MCTP2: variants seen among roughly 807,000 people sequenced by gnomAD.
MCTP2 encodes multiple C2 and transmembrane domain-containing protein 2.
Under a neutral mutation model 111.6 loss-of-function variants are expected in MCTP2, and 132 were observed. The ratio of observed to expected loss-of-function variants is 1.18; its 90% CI spans 1.03 to 1.37. The LOEUF (loss-of-function observed/expected upper bound fraction) is 1.37, where lower values mean the gene tolerates loss of function less well. Among genes scored for constraint, MCTP2 ranks in the 40% most tolerant of loss-of-function variants. The probability of loss-of-function intolerance (pLI) is 0.00; values close to 1 mark genes in which losing one functional copy is unlikely to be tolerated. For synonymous variants in MCTP2, 395 were observed against 387.7 expected, an observed-to-expected ratio of 1.02 and a Z score of -0.22; for missense variants, 1,183 against 1,067.9, an observed-to-expected ratio of 1.11 and a Z score of -1.50.
intron 12 of MCTP2, among the ~76,000 whole-genome samples, chr15:94,382,591 C>A (rs1474072728): frequency 6.6e-6 from 1 of 152,246 alleles, no homozygotes; most frequent in Admixed American, 6.5e-5. Context: ...ATACAGGCTC[C>A]TGCAAGTATC....
In MCTP2 at chr15:94,399,888, G is replaced by A. The variant is rs200460790; in HGVS notation, c.1891-33G>A. On this transcript the variant is annotated intron_variant, in intron 15 of 22. Transcript: ENST00000357742. ...CTAGGTGGATGAAGTCCCTATACAT[G>A]CTGCCCTTTTTTAACAAGGATGTCT... 13 of 1,590,352 alleles carry A rather than the reference G, an allele frequency of 8.2e-6. No individual in the cohort carries two copies. The African/African-American group carries it at 1.6e-4, about 20-fold the overall frequency.
intron 10 of MCTP2, among the ~76,000 whole-genome samples, chr15:94,363,388 G>A (rs541174656): frequency 1.6e-4 from 25 of 152,248 alleles, no homozygotes; most frequent in African/African-American, 5.3e-4. Context: ...TAGAATGGAA[G>A]CGGAGGCTTC....
chr15:94,404,556 C>T (rs1186738765), intron 17 of MCTP2, among the ~76,000 whole-genome samples: 1 of 152,146 alleles, frequency 6.6e-6, no homozygotes, highest in Non-Finnish European at 1.5e-5. Flanking sequence ...ATCTCGGCCT[C>T]CCAAAGTGCT....
chr15:94,338,714 A>G lies in MCTP2; in HGVS notation c.638-576A>G, dbSNP rs773330787. 3.3e-5 allele frequency among the ~76,000 whole-genome samples: 5 copies of G among 152,190 alleles called. 1 individual carries two copies. The highest frequency in any genetic ancestry group is 4.1e-4 in the South Asian group (2 of 4,836). On this transcript the variant is annotated intron_variant, in intron 4 of 22. Transcript: ENST00000357742. ...GAGTTCAGCTGCCCTGGCTGAGACA[A>G]TGTTGGCTGCTTTAGTGCAGGTGCG...
At chr15:94,289,738 C>T (rs542304194) in intron 1 of MCTP2, among the ~76,000 whole-genome samples, 22 of 152,190 alleles carry the variant, frequency 1.4e-4, no homozygotes, top group African/African-American at 4.8e-4. Flanking sequence ...GAGACCTATA[C>T]GCTGGTATGG....
intron 2 of MCTP2, among the ~76,000 whole-genome samples, chr15:94,301,738 T>C (rs2075624095): frequency 6.6e-6 from 1 of 152,232 alleles, no homozygotes; most frequent in African/African-American, 2.4e-5. Context: ...TACTCAATTT[T>C]ATTTTATATG....
In MCTP2 at chr15:94,298,401, C is replaced by T. The variant is rs557766395; in HGVS notation, c.136C>T (p.Arg46Cys). 3.6e-5 allele frequency: 58 copies of T among 1,614,168 alleles called. 1 individual carries two copies. In the East Asian group the frequency reaches 4.7e-4, roughly 13 times the overall value. ...TCTACGGGCAAGGCATCACTTGGAC[C>T]GCCGTCTCAGCCTCTCTGTGCCTGA... ...PDLRARHHLDRRLSLSVPDLL... is the reference protein window; with the variant it reads ...PDLRARHHLDCRLSLSVPDLL... Residue 46 changes from arginine to cysteine, a missense_variant, in exon 2 of 23, where the codon CGC becomes TGC. By Grantham distance (180) the Arg-to-Cys change is radical. Coordinates refer to ENST00000357742, the MANE Select transcript of MCTP2 (RefSeq NM_001385001.1).
chr15:94,254,664 C>G (rs2072652726), intron 1 of MCTP2, among the ~76,000 whole-genome samples: 1 of 152,194 alleles, frequency 6.6e-6, no homozygotes, highest in Admixed American at 6.5e-5. Context: ...CAGTGCAACT[C>G]AGCTATCTAA....
At chr15:94,473,140 G>A (rs776821250) in intron 21 of MCTP2, among the ~76,000 whole-genome samples, 1 of 151,554 alleles carries the variant, frequency 6.6e-6, no homozygotes, top group African/African-American at 2.4e-5. Flanking sequence ...TTTTATATAA[G>A]TATCAGAATC....
chr15:94,447,007 C>G (rs753477891), intron 19 of MCTP2, among the ~76,000 whole-genome samples: 36 of 152,160 alleles, frequency 2.4e-4, no homozygotes, highest in Non-Finnish European at 4.7e-4. Flanking sequence ...GGTATTGTAT[C>G]TATATTCTAT....
chr15:94,254,322 A>T (rs921797660), intron 1 of MCTP2, among the ~76,000 whole-genome samples: 1 of 152,152 alleles, frequency 6.6e-6, no homozygotes, highest in African/African-American at 2.4e-5. Flanking sequence ...TTACGTAGGG[A>T]TGGCAATCTA....
Position 94,479,046 on chromosome 15 carries a change from A to C in MCTP2, c.*12A>C. 6.2e-7 allele frequency: 1 copy of C among 1,613,692 alleles called. No homozygotes were observed. Among genetic ancestry groups the C allele is most frequent in the Non-Finnish European group, 8.5e-7 (1 of 1,179,736 alleles). ...GCAGCGCTCTCTAGGGCACACACCG[A>C]CTTTGGACAGCAGCACCCAATATTG... is the stretch of plus-strand genomic sequence containing the variant. On this transcript the variant is annotated 3_prime_UTR_variant, in exon 23 of 23. Coordinates refer to ENST00000357742, the MANE Select transcript of MCTP2 (RefSeq NM_001385001.1).
At chr15:94,437,910 C>T (rs2083566853) in intron 17 of MCTP2, among the ~76,000 whole-genome samples, 1 of 151,090 alleles carries the variant, frequency 6.6e-6, no homozygotes, top group Non-Finnish European at 1.5e-5. Context: ...TAAAAGATGG[C>T]TGTAAGGAAA....
intron 2 of MCTP2, among the ~76,000 whole-genome samples, chr15:94,303,984 A>T (rs957554128): frequency 6.6e-6 from 1 of 152,218 alleles, no homozygotes; most frequent in Non-Finnish European, 1.5e-5. Flanking sequence ...GTCCTGGGCA[A>T]GGGCATCACT....
chr15:94,364,459 T>C (rs10520749), intron 10 of MCTP2, among the ~76,000 whole-genome samples: 48,544 of 152,020 alleles, frequency 0.32, 8,089 homozygotes, highest in Admixed American at 0.41. Context: ...TTATTTAGTA[T>C]TTTTTGCAAG....
At chr15:94,315,349 A>G (rs1219802859) in intron 3 of MCTP2, among the ~76,000 whole-genome samples, 180 bp from the exon 4 acceptor site, 1 of 152,208 alleles carries the variant, frequency 6.6e-6, no homozygotes, top group African/African-American at 2.4e-5. Flanking sequence ...CTGGGGAGAA[A>G]TGTAAGGGAC....
chr15:94,415,694 A>G (rs2082340678), intron 17 of MCTP2, among the ~76,000 whole-genome samples: 1 of 151,666 alleles, frequency 6.6e-6, no homozygotes, highest in South Asian at 2.1e-4. Flanking sequence ...AATTAGGCAT[A>G]TGCAAGACCA....
At chr15:94,355,797 G>A in intron 8 of MCTP2, 1 of 449,164 alleles carries the variant, frequency 2.2e-6, no homozygotes, top group Non-Finnish European at 2.9e-6. Flanking sequence ...TATCTCTGTT[G>A]CCCAGAATGT....
intron 7 of MCTP2, chr15:94,342,952 A>C (rs1349630776): frequency 6.6e-6 from 1 of 150,578 alleles, no homozygotes; most frequent in African/African-American, 2.4e-5. Flanking sequence ...ATATATGGAT[A>C]CATGTATATA....
Sources: gnomAD v4.1 joint callset for allele counts (sites outside exome capture counted in the v4.1 genomes callset) on GRCh38, gnomAD v4.1.1 for gene constraint, MANE v1.5 for transcripts, NCBI Gene and HGNC (gene_info 2026-07-23, HGNC 2026-07-21) for gene names.